PPARGC1A: variants seen among roughly 807,000 people sequenced by gnomAD.
PPARGC1A encodes the protein peroxisome proliferator-activated receptor gamma coactivator 1-alpha.
A neutral mutation model predicts 88.7 loss-of-function variants in PPARGC1A; 25 were observed. The observed-to-expected ratio is 0.28, with a 90% CI of 0.21 to 0.39. The LOEUF (loss-of-function observed/expected upper bound fraction) is 0.39, where lower values mean the gene tolerates loss of function less well. Ranked by LOEUF, PPARGC1A falls within the 10% of genes least tolerant of loss-of-function variation. The pLI is 1.00. For synonymous variants in PPARGC1A, 363 were observed against 355.6 expected, an observed-to-expected ratio of 1.02 and a Z score of -0.24; for missense variants, 880 against 968.7, an observed-to-expected ratio of 0.91 and a Z score of 1.22.
At chr4:24,070,060 T>C in the PPARGC1A span, among the ~76,000 whole-genome samples, 1 of 152,264 alleles carries the variant, frequency 6.6e-6, no homozygotes, top group African/African-American at 2.4e-5. Context: ...AACAGATACT[T>C]TCTACCTCAA....
intron 2 of PPARGC1A, among the ~76,000 whole-genome samples, chr4:23,835,804 G>A (rs1725912779): frequency 6.6e-6 from 1 of 152,076 alleles, no homozygotes; most frequent in Non-Finnish European, 1.5e-5. Context: ...AGTGGATATT[G>A]CCCCTCACTG....
At chr4:24,338,502 T>C in the PPARGC1A span, among the ~76,000 whole-genome samples, 10 of 152,254 alleles carry the variant, frequency 6.6e-5, no homozygotes, top group African/African-American at 2.4e-4. Flanking sequence ...CTGATAACTT[T>C]CAACATTAAG....
the PPARGC1A span, among the ~76,000 whole-genome samples, chr4:24,291,866 G>C: frequency 5.9e-5 from 9 of 152,336 alleles, no homozygotes; most frequent in African/African-American, 1.9e-4. Flanking sequence ...GAATTCATTG[G>C]AGAATGTGAG....
chr4:23,829,951 G>A (rs1250055075), intron 3 of PPARGC1A, among the ~76,000 whole-genome samples: 1 of 152,024 alleles, frequency 6.6e-6, no homozygotes, highest in Non-Finnish European at 1.5e-5. Flanking sequence ...AATTGGACTT[G>A]GTGTTGTCTA....
At chr4:24,236,292 C>A in the PPARGC1A span, among the ~76,000 whole-genome samples, 1 of 152,082 alleles carries the variant, frequency 6.6e-6, no homozygotes, top group Non-Finnish European at 1.5e-5. Context: ...TCCTGATGAC[C>A]TCTTCATGTA....
chr4:23,959,044 G>T, the PPARGC1A span, among the ~76,000 whole-genome samples: 1 of 149,086 alleles, frequency 6.7e-6, no homozygotes, highest in South Asian at 2.1e-4. Context: ...GAGCGAGAAA[G>T]AAATCTTCAT....
chr4:23,941,610 G>C, the PPARGC1A span, among the ~76,000 whole-genome samples: 1 of 152,154 alleles, frequency 6.6e-6, no homozygotes, highest in South Asian at 2.1e-4. Context: ...AATGGCACTG[G>C]TGATGGATTT....
At chr4:24,241,250 C>A in the PPARGC1A span, among the ~76,000 whole-genome samples, 124,554 of 151,780 alleles carry the variant, frequency 0.82, 51,960 homozygotes, top group South Asian at 0.92. Context: ...AACAAACAAA[C>A]AAAAAGCTTA....
the PPARGC1A span, among the ~76,000 whole-genome samples, chr4:24,378,830 A>G: frequency 5.3e-5 from 8 of 152,152 alleles, no homozygotes; most frequent in Admixed American, 5.2e-4. Flanking sequence ...AGCAACCCTC[A>G]CTCTCACACA....
the PPARGC1A span, among the ~76,000 whole-genome samples, chr4:23,981,746 T>C: frequency 1.3e-5 from 2 of 152,192 alleles, no homozygotes; most frequent in East Asian, 3.9e-4. Context: ...ACTATTATTC[T>C]CTGTGTTCAT....
chr4:24,304,964 T>C, the PPARGC1A span, among the ~76,000 whole-genome samples: 1 of 151,954 alleles, frequency 6.6e-6, no homozygotes, highest in East Asian at 1.9e-4. Flanking sequence ...GCGCCAGGTA[T>C]GAAGTTATTA....
chr4:23,912,811 C>T, the PPARGC1A span, among the ~76,000 whole-genome samples: 6 of 148,764 alleles, frequency 4.0e-5, no homozygotes, highest in South Asian at 2.1e-4. Context: ...TTTTTTTAGA[C>T]GGAGTCTCAC....
chr4:23,971,204 G>C, the PPARGC1A span, among the ~76,000 whole-genome samples: 2,101 of 152,284 alleles, frequency 0.014, 46 homozygotes, highest in South Asian at 0.1. Flanking sequence ...AAATGCAAGA[G>C]TACTTAGAGA....
the PPARGC1A span, among the ~76,000 whole-genome samples, chr4:24,315,455 T>C: frequency 6.6e-6 from 1 of 152,208 alleles, no homozygotes; most frequent in Non-Finnish European, 1.5e-5. Flanking sequence ...TCTTCCAGAA[T>C]TCAGTCCATG....
In PPARGC1A at chr4:23,802,335, C is replaced by T. The variant is rs539338812; in HGVS notation, c.2030G>A (p.Arg677His). 8.7e-6 allele frequency: 14 copies of T among 1,613,978 alleles called. No individual in the cohort carries two copies. The highest frequency in any genetic ancestry group is 1.7e-4 in the Middle Eastern group (1 of 6,060). Residue 677 changes from arginine to histidine, a missense_variant, in exon 11 of 13, where the codon CGT (arginine) becomes CAT (histidine). Coordinates refer to ENST00000264867, the MANE Select transcript of PPARGC1A (RefSeq NM_013261.5). ...RQRQKAIEER[R>H]VIYVGKIRPD... The stretch of plus-strand genomic sequence containing the variant: ...TCTGATTTTACCGACATAAATCACA[C>T]GGCGCTCTTCCTATGGGGGGAAGGA...
At chr4:24,003,681 C>T in the PPARGC1A span, among the ~76,000 whole-genome samples, 1 of 152,058 alleles carries the variant, frequency 6.6e-6, no homozygotes, top group South Asian at 2.1e-4. Flanking sequence ...AAAGAGCCGG[C>T]AGGGGGTAGG....
the PPARGC1A span, among the ~76,000 whole-genome samples, chr4:24,047,888 G>A: frequency 6.6e-6 from 1 of 152,274 alleles, no homozygotes; most frequent in East Asian, 1.9e-4. Context: ...ATTCCTTGAA[G>A]GTAACATAAA....
the PPARGC1A span, among the ~76,000 whole-genome samples, chr4:24,162,693 G>A: frequency 2.7e-5 from 4 of 150,108 alleles, no homozygotes; most frequent in African/African-American, 4.9e-5. Flanking sequence ...CCAGGTTCAA[G>A]CAATTCTCCT....
chr4:24,412,598 A>G, the PPARGC1A span, among the ~76,000 whole-genome samples: 1 of 152,120 alleles, frequency 6.6e-6, no homozygotes, highest in Non-Finnish European at 1.5e-5. Context: ...CTCCTGCCTC[A>G]GCCTCCCGAG....
Sources: gnomAD v4.1 joint callset for allele counts (sites outside exome capture counted in the v4.1 genomes callset) on GRCh38, gnomAD v4.1.1 for gene constraint, MANE v1.5 for transcripts, NCBI Gene and HGNC (gene_info 2026-07-23, HGNC 2026-07-21) for gene names.